BUB1B: variants seen among roughly 807,000 people sequenced by gnomAD.
BUB1B encodes BUB1 mitotic checkpoint serine/threonine kinase B, also known as mitotic checkpoint serine/threonine-protein kinase BUB1 beta.
In BUB1B, 86 loss-of-function variants were observed where a neutral mutation model predicts 137.7. The observed-to-expected ratio is 0.62, with a 90% CI of 0.52 to 0.75. The LOEUF (loss-of-function observed/expected upper bound fraction) is 0.75. Among genes scored for constraint, BUB1B ranks in the 30% least tolerant of loss-of-function variants. BUB1B has a pLI of 0.00. For synonymous variants in BUB1B, 420 were observed against 417.9 expected (o/e 1.00, Z -0.06); for missense variants, 1,130 against 1,236.9 (o/e 0.91, Z 1.30).
intron 2 of BUB1B, among the ~76,000 whole-genome samples, chr15:40,169,606 A>ATTTTTTT (rs2037137847): frequency 9.4e-6 from 1 of 106,582 alleles, no homozygotes; most frequent in African/African-American, 3.5e-5. Context: ...AATTATTTCT[A>ATTTTTTT]TTCTTTTTTT....
chr15:40,180,544 G>T (rs979017479), intron 5 of BUB1B, among the ~76,000 whole-genome samples: 1 of 151,508 alleles, frequency 6.6e-6, no homozygotes, highest in Non-Finnish European at 1.5e-5. Context: ...GGGATTACAG[G>T]CATGAGCCAC....
At position 40,209,683 on chromosome 15, in the gene BUB1B, T is replaced by G; in HGVS notation, c.2192T>G (p.Leu731Arg). ...TGTTCACAGTATCGCAGACAGCTACTGAAGTCCCTACCAGAGTTAAGTGCC... is the reference window on the plus strand; with the variant it reads ...TGTTCACAGTATCGCAGACAGCTACGGAAGTCCCTACCAGAGTTAAGTGCC... ...PWCSQYRRQLLKSLPELSASA... is the reference protein window; with the variant it reads ...PWCSQYRRQLRKSLPELSASA... The change falls in exon 17 of 23, where the codon CTG becomes CGG. Residue 731 changes from leucine (L) to arginine (R), a missense_variant. Transcript: ENST00000287598. 4 of 1,614,186 alleles carry G rather than the reference T, an allele frequency of 2.5e-6. No individual in the cohort carries two copies. The highest frequency in any genetic ancestry group is 3.4e-6 in the Non-Finnish European group (4 of 1,180,028).
intron 12 of BUB1B, 82 bp downstream of exon 12, chr15:40,201,062 G>C: frequency 1.5e-6 from 2 of 1,337,222 alleles, no homozygotes; most frequent in Non-Finnish European, 2.1e-6. Context: ...TTTTAATTAT[G>C]ATAAAGGGAT....
intron 5 of BUB1B, among the ~76,000 whole-genome samples, chr15:40,180,381 C>T (rs996265162): frequency 6.6e-6 from 1 of 151,144 alleles, no homozygotes. Context: ...CCTCAGCCTC[C>T]CGAGTAGCTG....
rs750377734 is a variant in BUB1B at position 40,200,933 on chromosome 15, A to G, written c.1520A>G (p.Glu507Gly). ...ATTTAAAACAAGTTTCTTTACAGAG[A>G]AACTTCACTTGCGGAGAACATTTGG... is the stretch of plus-strand genomic sequence containing the variant. ...SVCQVNCCAR[E>G]TSLAENIWQE... Residue 507 changes from glutamate to glycine, a missense_variant and splice_region_variant, in exon 12 of 23, where the codon GAA (glutamate) becomes GGA (glycine). Transcript: ENST00000287598. 2.5e-5 allele frequency: 41 copies of G among 1,613,212 alleles called. No homozygotes were observed. Among genetic ancestry groups the G allele is most frequent in the Admixed American group, 6.7e-5 (4 of 60,002 alleles).
intron 20 of BUB1B, among the ~76,000 whole-genome samples, chr15:40,217,070 A>G (rs2037802671): frequency 6.6e-6 from 1 of 152,198 alleles, no homozygotes; most frequent in Non-Finnish European, 1.5e-5. Context: ...AATACTTGGA[A>G]AGCCTATCTG....
intron 10 of BUB1B, chr15:40,200,031 GA>G: frequency 1.7e-6 from 1 of 601,048 alleles, no homozygotes; most frequent in Non-Finnish European, 2.9e-6. Flanking sequence ...ATTGCCTAAA[GA>G]AATTTAGTAT....
At chr15:40,211,272 T>C (rs1245101389) in intron 18 of BUB1B, among the ~76,000 whole-genome samples, 2 of 152,180 alleles carry the variant, frequency 1.3e-5, no homozygotes, top group Non-Finnish European at 2.9e-5. Flanking sequence ...TTCTTCTTGT[T>C]TTCTTTTTTG....
chr15:40,203,527 T>A (rs1367047519), intron 14 of BUB1B, among the ~76,000 whole-genome samples: 5 of 152,202 alleles, frequency 3.3e-5, no homozygotes, highest in African/African-American at 4.8e-5. Flanking sequence ...AAAGGGTCAA[T>A]TTTATGGTAT....
At chr15:40,164,181 G>A (rs59330453) in intron 1 of BUB1B, among the ~76,000 whole-genome samples, 2,187 of 152,112 alleles carry the variant, frequency 0.014, 58 homozygotes, top group African/African-American at 0.05. Flanking sequence ...CTTCAGTTTT[G>A]AATCATCATT....
In BUB1B at chr15:40,208,735, T is replaced by C. The variant is rs375388175; in HGVS notation, c.2108T>C (p.Ile703Thr). 2 of 1,613,468 alleles carry C rather than the reference T, an allele frequency of 1.2e-6. No individual in the cohort carries two copies. Among genetic ancestry groups the C allele is most frequent in the Non-Finnish European group, 1.7e-6 (2 of 1,179,482 alleles). Residue 703 changes from isoleucine to threonine, a missense_variant, in exon 16 of 23, where the codon ATT becomes ACT. By Grantham distance (89) the Ile-to-Thr change is moderately conservative. Coordinates refer to ENST00000287598, the MANE Select transcript of BUB1B (RefSeq NM_001211.6). ...ASTSSIKCLQ[I>T]PEKLELTNET... ...ACCTCCTCCATCAAATGTCTTCAAATTCCTGAGAAACTAGAACTTACTAAT... is the reference window on the plus strand; with the variant it reads ...ACCTCCTCCATCAAATGTCTTCAAACTCCTGAGAAACTAGAACTTACTAAT...
At position 40,188,133 on chromosome 15, in the gene BUB1B, C is replaced by T. The variant is rs576418536; in HGVS notation, c.1058+2491C>T. Among the ~76,000 whole-genome samples, 199 of 152,138 alleles carry T rather than the reference C, an allele frequency of 1.3e-3. 1 individual carries two copies. Among genetic ancestry groups the T allele is most frequent in the Non-Finnish European group, 2.3e-3 (158 of 67,978 alleles). Reference sequence around the variant, plus strand: ...TGCAATCTTGGCTCACTGCAACCTCCACCTCCTAAGTTCAAGCAATTCTCC... The same window carrying T: ...TGCAATCTTGGCTCACTGCAACCTCTACCTCCTAAGTTCAAGCAATTCTCC... On this transcript the variant is annotated intron_variant, in intron 8 of 22. Transcript: ENST00000287598.
At chr15:40,183,286 C>T (rs758590865) in intron 5 of BUB1B, among the ~76,000 whole-genome samples, 4 of 152,080 alleles carry the variant, frequency 2.6e-5, no homozygotes, top group Non-Finnish European at 5.9e-5. Context: ...TGTGCGTGCA[C>T]GTGCGCGCAT....
chr15:40,201,791 C>T (rs1372293981), intron 12 of BUB1B, among the ~76,000 whole-genome samples: 7 of 152,090 alleles, frequency 4.6e-5, no homozygotes, highest in African/African-American at 9.7e-5. Context: ...CTCAGCCTCC[C>T]GACTAGCTGG....
In BUB1B at chr15:40,176,524, C is replaced by G; in HGVS notation, c.432C>G (p.Asn144Lys). 1 of 1,614,096 alleles carries G rather than the reference C, an allele frequency of 6.2e-7. No homozygotes were observed. Among genetic ancestry groups the G allele is most frequent in the Non-Finnish European group, 8.5e-7 (1 of 1,180,010 alleles). The change falls in exon 5 of 23, where the codon AAC (asparagine) becomes AAG (lysine). Residue 144 changes from asparagine (N) to lysine (K), a missense_variant. Coordinates refer to ENST00000287598, the MANE Select transcript of BUB1B (RefSeq NM_001211.6). Reference protein sequence around the residue: ...EPLDMYSYLHNQGIGVSLAQF... With the variant: ...EPLDMYSYLHKQGIGVSLAQF... The stretch of plus-strand genomic sequence containing the variant: ...TGGATATGTACAGTTACTTGCACAA[C>G]CAAGGGATTGGTGTTTCACTTGCTC...
intron 4 of BUB1B, among the ~76,000 whole-genome samples, chr15:40,171,767 C>T (rs1197105045): frequency 2.0e-5 from 3 of 152,078 alleles, no homozygotes. Context: ...TATATTGCTA[C>T]AGCCAAAAAT....
At chr15:40,188,925 A>G (rs2037403627) in intron 8 of BUB1B, among the ~76,000 whole-genome samples, 1 of 151,888 alleles carries the variant, frequency 6.6e-6, no homozygotes, top group African/African-American at 2.4e-5. Context: ...TCATCGAAAT[A>G]TAATTCCGTG....
intron 4 of BUB1B, among the ~76,000 whole-genome samples, chr15:40,172,190 T>TAATAAAGTAAGAAATAAATTTCTTACTA (rs1225073502): frequency 8.6e-5 from 13 of 150,390 alleles, no homozygotes; most frequent in East Asian, 3.9e-4. Flanking sequence ...CTTACTAAAA[T>TAATAAAGTAAGAAATAAATTTCTTACTA]AAAGTAATAA....
intron 20 of BUB1B, among the ~76,000 whole-genome samples, chr15:40,215,491 C>T (rs1025390256): frequency 3.3e-5 from 5 of 152,046 alleles, no homozygotes; most frequent in South Asian, 2.1e-4. Flanking sequence ...AGCCAGAGGC[C>T]GGGCGCAGTA....
Sources: gnomAD v4.1 joint callset for allele counts (sites outside exome capture counted in the v4.1 genomes callset) on GRCh38, gnomAD v4.1.1 for gene constraint, MANE v1.5 for transcripts, NCBI Gene and HGNC (gene_info 2026-07-23, HGNC 2026-07-21) for gene names.